Variants in ITFG1 observed in about 807,000 individuals in gnomAD.
ITFG1 encodes T-cell immunomodulatory protein.
A neutral mutation model predicts 81.8 loss-of-function variants in ITFG1; 34 were observed. That is an observed-to-expected ratio of 0.42 (90% CI 0.32 to 0.55). The LOEUF (loss-of-function observed/expected upper bound fraction) is 0.55, where lower values mean the gene tolerates loss of function less well. Among genes scored for constraint, ITFG1 ranks in the 20% least tolerant of loss-of-function variants. ITFG1 has a pLI of 0.17. For missense variants in ITFG1, 672 were observed against 755.4 expected (o/e 0.89, Z 1.29); for synonymous variants, 285 against 270.6 (o/e 1.05, Z -0.52).
chr16:47,250,608 G>A (rs1196915352), intron 12 of ITFG1, among the ~76,000 whole-genome samples: 2 of 152,096 alleles, frequency 1.3e-5, no homozygotes, highest in African/African-American at 4.8e-5. Context: ...ATTGGTTCCA[G>A]GTCAGTATGT....
intron 8 of ITFG1, among the ~76,000 whole-genome samples, chr16:47,352,241 C>T (rs1426348420): frequency 6.6e-6 from 1 of 152,156 alleles, no homozygotes; most frequent in Admixed American, 6.5e-5. Context: ...TTCTGCACAG[C>T]AAAAGAAACC....
intron 14 of ITFG1, among the ~76,000 whole-genome samples, chr16:47,192,098 C>T (rs1473683203): frequency 6.6e-6 from 1 of 152,202 alleles, no homozygotes; most frequent in African/African-American, 2.4e-5. Flanking sequence ...TTTAAATTCC[C>T]TGTCTCTATA....
intron 14 of ITFG1, among the ~76,000 whole-genome samples, chr16:47,186,999 C>A (rs1965227089): frequency 1.3e-5 from 2 of 152,142 alleles, no homozygotes; most frequent in Admixed American, 6.5e-5. Flanking sequence ...CATGAGTGAA[C>A]TCCCATTCAC....
At chr16:47,212,110 G>C (rs1965570460) in intron 14 of ITFG1, among the ~76,000 whole-genome samples, 1 of 152,010 alleles carries the variant, frequency 6.6e-6, no homozygotes, top group Non-Finnish European at 1.5e-5. Context: ...TCTGTCTACA[G>C]GGATTTTGTA....
intron 6 of ITFG1, among the ~76,000 whole-genome samples, chr16:47,404,606 TCTC>T (rs1193968425): frequency 9.9e-5 from 15 of 152,164 alleles, no homozygotes; most frequent in Non-Finnish European, 2.1e-4. Context: ...TTTCCCTTCT[TCTC>T]TATAGTTTAT....
intron 14 of ITFG1, among the ~76,000 whole-genome samples, chr16:47,171,029 C>CTT (rs61494352): frequency 2.0e-5 from 2 of 97,738 alleles, no homozygotes; most frequent in Admixed American, 2.2e-4. Context: ...GCCACTGTGC[C>CTT]TTTTTTTTTT....
chr16:47,298,095 G>A (rs534647039), intron 10 of ITFG1, among the ~76,000 whole-genome samples: 2 of 152,066 alleles, frequency 1.3e-5, no homozygotes, highest in South Asian at 4.2e-4. Context: ...GCTTGCTCTA[G>A]TCTCTTGTTG....
At position 47,398,857 on chromosome 16, in the gene ITFG1, C is replaced by T. The variant is rs925097732; in HGVS notation, c.656-22917G>A. ...TGTTTATACTTTGGGAAGGCTTATTCACCAGACAATATTTCAGGGAACATT... is the reference window on the plus strand; with the variant it reads ...TGTTTATACTTTGGGAAGGCTTATTTACCAGACAATATTTCAGGGAACATT... On this transcript the variant is annotated intron_variant, in intron 6 of 17. Coordinates refer to ENST00000320640, the MANE Select transcript of ITFG1 (RefSeq NM_030790.5). 3.9e-5 allele frequency among the ~76,000 whole-genome samples: 6 copies of T among 152,318 alleles called. No homozygotes were observed. The South Asian group carries it at 1.2e-3, about 32-fold the overall frequency.
intron 8 of ITFG1, among the ~76,000 whole-genome samples, chr16:47,333,859 C>T (rs1967667905): frequency 6.6e-6 from 1 of 152,180 alleles, no homozygotes; most frequent in South Asian, 2.1e-4. Context: ...ATATTAAATA[C>T]TGAAAAATAT....
intron 6 of ITFG1, among the ~76,000 whole-genome samples, chr16:47,403,798 A>ACACACACACC (rs1968693514): frequency 6.6e-6 from 1 of 151,460 alleles, no homozygotes; most frequent in Non-Finnish European, 1.5e-5. Flanking sequence ...ACACACACAC[A>ACACACACACC]CACACACACA....
intron 6 of ITFG1, among the ~76,000 whole-genome samples, chr16:47,381,572 T>C (rs1476411770): frequency 2.0e-5 from 3 of 152,170 alleles, no homozygotes; most frequent in Admixed American, 1.3e-4. Flanking sequence ...TCATAACTTA[T>C]ACTGTTTCTA....
At chr16:47,236,636 G>C (rs1965878564) in intron 13 of ITFG1, among the ~76,000 whole-genome samples, 1 of 152,130 alleles carries the variant, frequency 6.6e-6, no homozygotes, top group Admixed American at 6.5e-5. Flanking sequence ...ACAGAATGGA[G>C]ATATGGTTAG....
At chr16:47,408,049 C>T (rs951863541) in intron 6 of ITFG1, among the ~76,000 whole-genome samples, 5 of 152,108 alleles carry the variant, frequency 3.3e-5, no homozygotes, top group East Asian at 1.9e-4. Context: ...CATTTTAAAA[C>T]GCAAATCAGT....
chr16:47,176,686 T>A (rs1006392277), intron 14 of ITFG1, among the ~76,000 whole-genome samples: 6 of 152,222 alleles, frequency 3.9e-5, no homozygotes, highest in Admixed American at 6.5e-5. Flanking sequence ...TCCTAATCAA[T>A]GTGTTCTTTG....
chr16:47,240,021 G>T (rs753399432), intron 12 of ITFG1, among the ~76,000 whole-genome samples: 19 of 151,972 alleles, frequency 1.3e-4, no homozygotes, highest in Admixed American at 3.9e-4. Context: ...GCTAGGCACA[G>T]TGGCTCATGC....
intron 6 of ITFG1, among the ~76,000 whole-genome samples, chr16:47,415,955 ATGG>A (rs1567492578): frequency 6.6e-6 from 1 of 151,990 alleles, no homozygotes; most frequent in Non-Finnish European, 1.5e-5. Context: ...TTAGCTGGGC[ATGG>A]TGGTGGGCGC....
intron 14 of ITFG1, among the ~76,000 whole-genome samples, chr16:47,197,548 C>A (rs910538390): frequency 6.6e-6 from 1 of 152,240 alleles, no homozygotes; most frequent in South Asian, 2.1e-4. Flanking sequence ...TAACTGTAAC[C>A]TGACCGCCTT....
At chr16:47,244,764 A>G (rs1045636007) in intron 12 of ITFG1, among the ~76,000 whole-genome samples, 1 of 151,822 alleles carries the variant, frequency 6.6e-6, no homozygotes, top group African/African-American at 2.4e-5. Flanking sequence ...TAAGGAAGCA[A>G]TTAAGGTTAA....
chr16:47,269,326 T>C (rs961795574), intron 10 of ITFG1, among the ~76,000 whole-genome samples: 1 of 151,772 alleles, frequency 6.6e-6, no homozygotes, highest in Non-Finnish European at 1.5e-5. Context: ...ATAAATACAA[T>C]AGTCAAGAAC....
Sources: allele counts gnomAD v4.1 joint callset (sites outside exome capture counted in the v4.1 genomes callset), GRCh38; gene constraint gnomAD v4.1.1; transcripts MANE v1.5; gene names NCBI Gene and HGNC (gene_info 2026-07-23, HGNC 2026-07-21).